Variants in EXD1 observed in about 807,000 individuals in gnomAD.
The protein encoded by EXD1 is piRNA biogenesis protein EXD1.
Under a neutral mutation model 49.1 loss-of-function variants are expected in EXD1, and 63 were observed. That is an observed-to-expected ratio of 1.28 (90% CI 1.05 to 1.58). The LOEUF is 1.58. Ranked by LOEUF, EXD1 falls within the 40% of genes most tolerant of loss-of-function variation. The pLI, the probability that EXD1 is intolerant of heterozygous loss-of-function variation, is 0.00. For synonymous variants in EXD1, 234 were observed against 239.2 expected, an observed-to-expected ratio of 0.98 and a Z score of 0.20; for missense variants, 748 against 666.0, an observed-to-expected ratio of 1.12 and a Z score of -1.36.
At chr15:41,192,664 G>T (rs1440587100) in intron 9 of EXD1, among the ~76,000 whole-genome samples, 1 of 126,196 alleles carries the variant, frequency 7.9e-6, no homozygotes, top group Non-Finnish European at 1.6e-5. Context: ...TCCCAGGATG[G>T]AGTACAACGC....
chr15:41,188,011 G>A (rs1224179922), intron 11 of EXD1, among the ~76,000 whole-genome samples: 3 of 17,768 alleles, frequency 1.7e-4, no homozygotes, highest in East Asian at 2.1e-3. Context: ...GCGAAACCCC[G>A]TCTCAAAAAA....
chr15:41,205,722 G>A (rs1292722981), intron 7 of EXD1, among the ~76,000 whole-genome samples: 1 of 144,994 alleles, frequency 6.9e-6, no homozygotes, highest in Non-Finnish European at 1.5e-5. Context: ...AAGGAGAGAA[G>A]GAGGGAAGAG....
chr15:41,193,442 G>T (rs190859132), intron 9 of EXD1, among the ~76,000 whole-genome samples: 2 of 151,736 alleles, frequency 1.3e-5, no homozygotes, highest in African/African-American at 2.4e-5. Context: ...CTCCGTTTCT[G>T]GGGGGGAAAA....
intron 7 of EXD1, among the ~76,000 whole-genome samples, chr15:41,206,545 T>C (rs1216309119): frequency 6.8e-6 from 1 of 148,060 alleles, no homozygotes. Context: ...AGTAGTTGAC[T>C]CCCCTAATGT....
In EXD1 at chr15:41,226,734, T is replaced by C. The variant is rs117746588; in HGVS notation, c.-53-106A>G. The C allele has an allele frequency of 7.4e-4, 662 of 889,152 alleles. 9 individuals carry two copies. In the East Asian group the frequency reaches 0.018, roughly 25 times the overall value. The allele number at this position is 889,152 out of a possible 1,614,324, so 55.1% of individuals were successfully genotyped here. A position where few individuals can be genotyped will look rare whatever the true frequency, so the allele number is the denominator to read the frequency against. On this transcript the variant is annotated intron_variant, in intron 1 of 11. Transcript: ENST00000458580. ...ATGGACAAGAATAAAATCTGAATAA[T>C]TCAGTTTTGTTCATCTTTTTGGAAT...
At chr15:41,199,764 A>ATGTGATATATGATATATCACATATG (rs1269494361) in intron 7 of EXD1, among the ~76,000 whole-genome samples, 1 of 21,168 alleles carries the variant, frequency 4.7e-5, no homozygotes, top group Admixed American at 6.6e-4. Flanking sequence ...TGATACATAT[A>ATGTGATATATGATATATCACATATG]TGATATATAT....
At position 41,189,280 on chromosome 15, in the gene EXD1, A is replaced by G. The variant is rs150776767; in HGVS notation, c.1056+657T>C. ...CTACTCAGGAGGCTGAGGCAGGAGAATTCCTTGAACCCAGGAGGCGGAGGC... is the reference window on the plus strand; with the variant it reads ...CTACTCAGGAGGCTGAGGCAGGAGAGTTCCTTGAACCCAGGAGGCGGAGGC... On this transcript the variant is annotated intron_variant, in intron 11 of 11. Transcript: ENST00000458580. Among the ~76,000 whole-genome samples the G allele has an allele frequency of 2.4e-3, 363 of 152,066 alleles. 2 individuals carry two copies. The highest frequency in any genetic ancestry group is 3.4e-3 in the Middle Eastern group (1 of 294).
chr15:41,225,573 G>A (rs1423037168), intron 2 of EXD1, among the ~76,000 whole-genome samples: 7 of 131,452 alleles, frequency 5.3e-5, no homozygotes, highest in Non-Finnish European at 7.9e-5. Flanking sequence ...CAACAAGAAC[G>A]AGACTCATTC....
chr15:41,184,225 C>T lies in EXD1; in HGVS notation c.1425G>A (p.Lys475=). Residue 475 remains lysine, a synonymous_variant, in exon 12 of 12, where the codon AAG becomes AAA. Coordinates refer to ENST00000458580, the MANE Select transcript of EXD1 (RefSeq NM_001286441.2). ...SSNKLICTKS[K]GSEDQRITQK... Reference sequence around the variant, plus strand: ...GAGTTATTCTCTGGTCCTCTGACCCCTTTGACTTTGTGCAAATGAGTTTGT... The same window carrying T: ...GAGTTATTCTCTGGTCCTCTGACCCTTTTGACTTTGTGCAAATGAGTTTGT... 1 of 1,614,204 alleles carries T rather than the reference C, an allele frequency of 6.2e-7. No homozygotes were observed. Among genetic ancestry groups the T allele is most frequent in the Non-Finnish European group, 8.5e-7 (1 of 1,180,036 alleles).
intron 11 of EXD1, among the ~76,000 whole-genome samples, chr15:41,186,470 C>CAAAAATAAAAAAA (rs2046409411): frequency 1.5e-5 from 1 of 68,286 alleles, no homozygotes; most frequent in African/African-American, 5.2e-5. Flanking sequence ...GACTCTGTCT[C>CAAAAATAAAAAAA]AAAAAAAAAA....
intron 7 of EXD1, among the ~76,000 whole-genome samples, chr15:41,199,722 T>TTATATATCTAA (rs1391239565): frequency 4.2e-5 from 4 of 94,600 alleles, no homozygotes; most frequent in Non-Finnish European, 7.7e-5. Context: ...ATATGATATA[T>TTATATATCTAA]TATATATGAT....
At chr15:41,212,246 G>A (rs377516522) in intron 6 of EXD1, among the ~76,000 whole-genome samples, 12 of 151,942 alleles carry the variant, frequency 7.9e-5, no homozygotes, top group Admixed American at 1.3e-4. Context: ...TAAGGAGATC[G>A]AGAACACCCT....
intron 7 of EXD1, among the ~76,000 whole-genome samples, chr15:41,198,154 AAGTG>A (rs1375926452): frequency 6.6e-6 from 1 of 152,124 alleles, no homozygotes; most frequent in African/African-American, 2.4e-5. Context: ...GGAATCTTGA[AAGTG>A]AGTGATAAGA....
intron 9 of EXD1, among the ~76,000 whole-genome samples, chr15:41,194,719 A>G (rs2046583402): frequency 6.6e-6 from 1 of 152,196 alleles, no homozygotes; most frequent in Admixed American, 6.6e-5. Flanking sequence ...AAAAAGAAAA[A>G]CATGAACAGA....
intron 7 of EXD1, among the ~76,000 whole-genome samples, chr15:41,198,478 A>G (rs2046650752): frequency 6.6e-6 from 1 of 151,880 alleles, no homozygotes; most frequent in African/African-American, 2.4e-5. Context: ...GATCTCTTGA[A>G]CCCAGGAGTT....
chr15:41,214,770 G>C (rs1397603626), intron 6 of EXD1, among the ~76,000 whole-genome samples: 9 of 151,486 alleles, frequency 5.9e-5, no homozygotes, highest in Admixed American at 5.9e-4. Context: ...TTTTGAGATG[G>C]AGTCTCGCTC....
chr15:41,191,825 G>A, intron 9 of EXD1: 2 of 405,746 alleles, frequency 4.9e-6, no homozygotes, highest in Non-Finnish European at 8.9e-6. Flanking sequence ...CGCTCAGGCT[G>A]GAGTGCAGTG....
Position 41,184,248 on chromosome 15 carries a change from T to C in EXD1, c.1402A>G (p.Lys468Glu). 6.2e-7 allele frequency: 1 copy of C among 1,614,222 alleles called. No individual in the cohort carries two copies. Among genetic ancestry groups the C allele is most frequent in the Non-Finnish European group, 8.5e-7 (1 of 1,180,038 alleles). Residue 468 changes from lysine (K) to glutamate (E), a missense_variant, in exon 12 of 12, where the codon AAA becomes GAA. Coordinates refer to ENST00000458580, the MANE Select transcript of EXD1 (RefSeq NM_001286441.2). ...CCCTTTGACTTTGTGCAAATGAGTT[T>C]GTTACTGGAATCCTCACTGGTTTCC... ...EGETSEDSSN[K>E]LICTKSKGSE...
rs564152373 is a variant in EXD1, at chr15:41,220,010, A to C, written c.134-112T>G. On this transcript the variant is annotated intron_variant, in intron 2 of 11. Transcript: ENST00000458580. ...CTGAGTTGTATTTAAAAAAAAAAAA[A>C]CTCCAAAAAAATATCCAAATCTTCC... The C allele has an allele frequency of 7.3e-4, 551 of 751,126 alleles. 1 individual carries two copies. The highest frequency in any genetic ancestry group is 1.1e-3 in the Non-Finnish European group (502 of 477,932). 46.5% of individuals were successfully genotyped at this position (751,126 alleles called of 1,614,324 possible).
Sources: allele counts gnomAD v4.1 joint callset (sites outside exome capture counted in the v4.1 genomes callset), GRCh38; gene constraint gnomAD v4.1.1; transcripts MANE v1.5; gene names NCBI Gene and HGNC (gene_info 2026-07-23, HGNC 2026-07-21).